Variants in KALRN observed in about 807,000 individuals in gnomAD.
KALRN encodes the protein kalirin RhoGEF kinase, also known as kalirin.
Under a neutral mutation model 353.7 loss-of-function variants are expected in KALRN, and 70 were observed. The observed-to-expected ratio is 0.20, with a 90% CI of 0.16 to 0.24. KALRN has a LOEUF of 0.24. KALRN is among the 10% of genes least tolerant of loss of function. KALRN has a pLI of 1.00. For missense variants in KALRN, 2,791 were observed against 3,756.7 expected (o/e 0.74, Z 6.72); for synonymous variants, 1,391 against 1,434.8 (o/e 0.97, Z 0.69).
intron 3 of KALRN, among the ~76,000 whole-genome samples, chr3:124,260,740 A>T (rs1225130197): frequency 1.3e-5 from 2 of 152,058 alleles, no homozygotes; most frequent in Non-Finnish European, 2.9e-5. Flanking sequence ...CAGAGCCCAG[A>T]ATGGGACTCT....
chr3:124,140,856 C>T (rs1243913021), intron 1 of KALRN, among the ~76,000 whole-genome samples: 5 of 152,138 alleles, frequency 3.3e-5, no homozygotes, highest in Non-Finnish European at 5.9e-5. Context: ...GACTTCACCT[C>T]CCCTTCCCCA....
rs531408327 is a variant in KALRN at position 124,108,322 on chromosome 3, T to C, written c.73+74509T>C. Reference sequence around the variant, plus strand: ...CCAGCCACCAAAAGGCAGATAGTCATGTTAATATCTCCTCCAGGAAAATGT... The same window carrying C: ...CCAGCCACCAAAAGGCAGATAGTCACGTTAATATCTCCTCCAGGAAAATGT... On this transcript the variant is annotated intron_variant, in intron 1 of 59. Transcript: ENST00000682506. 5.9e-5 allele frequency among the ~76,000 whole-genome samples: 9 copies of C among 152,324 alleles called. No homozygotes were observed. In the South Asian group the frequency reaches 1.5e-3, roughly 25 times the overall value.
At position 124,334,510 on chromosome 3, in the gene KALRN, G is replaced by T. The variant is rs902531231; in HGVS notation, c.1647+15G>T. 6.3e-7 allele frequency: 1 copy of T among 1,587,082 alleles called. No individual in the cohort carries two copies. The highest frequency in any genetic ancestry group is 8.6e-7 in the Non-Finnish European group (1 of 1,158,882). On this transcript the variant is annotated intron_variant, in intron 9 of 59. Transcript: ENST00000682506. This position sits in a 1 kb window ranked among gnomAD's most constrained non-coding sequence, Gnocchi z 4.2. ...ATGTACAGCAGGTAACAGGCTCTGA[G>T]CCCCGGTGTCCATTATCCATTCTAG...
intron 33 of KALRN, among the ~76,000 whole-genome samples, chr3:124,559,062 G>C (rs147394402): frequency 6.6e-6 from 1 of 152,242 alleles, no homozygotes; most frequent in Admixed American, 6.5e-5. Flanking sequence ...CATTTCTGGT[G>C]AACGTGAGAA....
intron 34 of KALRN, among the ~76,000 whole-genome samples, chr3:124,586,280 G>C (rs1329055766): frequency 6.6e-6 from 1 of 152,190 alleles, no homozygotes; most frequent in African/African-American, 2.4e-5. Context: ...AATCTGAGTG[G>C]GTGGGTTCGC....
intron 11 of KALRN, among the ~76,000 whole-genome samples, chr3:124,390,155 G>T (rs2089133944): frequency 6.6e-6 from 1 of 152,166 alleles, no homozygotes; most frequent in African/African-American, 2.4e-5. Context: ...TTTTGTCCAG[G>T]AACATGGCAT....
At chr3:124,677,627 C>G (rs914563336) in intron 49 of KALRN, 2 of 456,296 alleles carry the variant, frequency 4.4e-6, no homozygotes, top group Non-Finnish European at 8.8e-6. Context: ...TGGTGCTCAA[C>G]TGTTTATTAA....
At chr3:124,070,429 C>T (rs2059962222) in intron 1 of KALRN, among the ~76,000 whole-genome samples, 1 of 152,172 alleles carries the variant, frequency 6.6e-6, no homozygotes. Context: ...CCTGCTGGAA[C>T]CTTTGCTTGA....
chr3:124,607,488 A>G (rs333339), intron 34 of KALRN, among the ~76,000 whole-genome samples: 98,585 of 152,112 alleles, frequency 0.65, 32,781 homozygotes, highest in East Asian at 0.83. Flanking sequence ...ATAATCTTCT[A>G]AAGTATTTTA....
intron 1 of KALRN, among the ~76,000 whole-genome samples, chr3:124,142,574 T>C (rs901388821): frequency 2.1e-4 from 32 of 152,304 alleles, no homozygotes; most frequent in African/African-American, 7.7e-4. Context: ...CCAGGGTTTT[T>C]CAGTGGTTCC....
In KALRN at chr3:124,269,189, G is replaced by A. The variant is rs974673495; in HGVS notation, c.903G>A (p.Trp301Ter). Residue 301 changes from tryptophan to a stop codon, truncating the protein, a stop_gained, in exon 5 of 60, where the codon TGG becomes TGA. Coordinates refer to ENST00000682506, the MANE Select transcript of KALRN (RefSeq NM_001388419.1). LOFTEE classifies it high-confidence loss of function. ...CCCGGCAGCACCTGCACCAGATGTGGCATGTGCGCAAGCTCAAGCTGGACC... is the reference window on the plus strand; with the variant it reads ...CCCGGCAGCACCTGCACCAGATGTGACATGTGCGCAAGCTCAAGCTGGACC... ...HSTRQHLHQM[W>*]HVRKLKLDQC... 1 of 1,612,324 alleles carries A rather than the reference G, an allele frequency of 6.2e-7. No homozygotes were observed. Among genetic ancestry groups the A allele is most frequent in the African/African-American group, 1.3e-5 (1 of 74,908 alleles).
intron 5 of KALRN, among the ~76,000 whole-genome samples, chr3:124,292,165 T>C (rs1166664126): frequency 6.6e-6 from 1 of 152,096 alleles, no homozygotes; most frequent in Non-Finnish European, 1.5e-5. Flanking sequence ...GAAAGCAAAA[T>C]TGTAAAGTGG....
intron 1 of KALRN, among the ~76,000 whole-genome samples, chr3:124,089,576 G>T (rs572942003): frequency 6.6e-6 from 1 of 152,238 alleles, no homozygotes; most frequent in South Asian, 2.1e-4. Flanking sequence ...GGAGGTAACA[G>T]TGAACTCTGG....
rs184815851 is a variant in KALRN, at chr3:124,368,171, C to T, written c.1771-16674C>T. 2.4e-4 allele frequency among the ~76,000 whole-genome samples: 17 copies of T among 71,870 alleles called. 5 individuals carry two copies. Among genetic ancestry groups the T allele is most frequent in the African/African-American group, 1.2e-3 (17 of 14,420 alleles). The allele number at this position is 71,870 out of a possible 152,430, so 47.1% of individuals were successfully genotyped here. ...CCCCCCACCTCCCTCCCGGACAGCA[C>T]GGCTGGCCGGGCGGGGGGCTGACCC... On this transcript the variant is annotated intron_variant, in intron 10 of 59. Coordinates refer to ENST00000682506, the MANE Select transcript of KALRN (RefSeq NM_001388419.1).
intron 38 of KALRN, among the ~76,000 whole-genome samples, chr3:124,652,099 C>T (rs921665059): frequency 1.3e-5 from 2 of 152,184 alleles, no homozygotes; most frequent in African/African-American, 4.8e-5. Flanking sequence ...GCCTTTCTCT[C>T]TCAAATTCAT....
At chr3:124,701,384 CTTTCTTTTTT>C (rs1052688886) in intron 56 of KALRN, among the ~76,000 whole-genome samples, 3 of 122,560 alleles carry the variant, frequency 2.4e-5, no homozygotes, top group Non-Finnish European at 5.1e-5. Flanking sequence ...TTCTTTCTTT[CTTTCTTTTTT>C]TTTTTTTTTT....
At chr3:124,243,648 A>G (rs186056762) in intron 3 of KALRN, among the ~76,000 whole-genome samples, 9 of 152,274 alleles carry the variant, frequency 5.9e-5, no homozygotes, top group African/African-American at 1.9e-4. Context: ...CTGCAGGGAA[A>G]AATGCTGACA....
chr3:124,376,688 T>G (rs1387158771), intron 10 of KALRN, among the ~76,000 whole-genome samples: 1 of 152,218 alleles, frequency 6.6e-6, no homozygotes, highest in Non-Finnish European at 1.5e-5. Flanking sequence ...TTCATTTACA[T>G]GGCAAACACA....
chr3:124,174,612 G>C (rs2072390351), intron 1 of KALRN, among the ~76,000 whole-genome samples: 1 of 152,166 alleles, frequency 6.6e-6, no homozygotes, highest in African/African-American at 2.4e-5. Flanking sequence ...AAGGTGCCCA[G>C]AAGTCCTTAA....
Sources: allele counts gnomAD v4.1 joint callset (sites outside exome capture counted in the v4.1 genomes callset), GRCh38; gene constraint gnomAD v4.1.1; non-coding constraint Gnocchi (gnomAD v3.1); transcripts MANE v1.5; gene names NCBI Gene and HGNC (gene_info 2026-07-23, HGNC 2026-07-21).